Variants in PALM2AKAP2 observed in about 807,000 individuals in gnomAD.
The protein encoded by PALM2AKAP2 is PALM2-AKAP2 fusion protein.
In PALM2AKAP2, 37 loss-of-function variants were observed where a neutral mutation model predicts 71.5. The observed-to-expected ratio is 0.52, with a 90% confidence interval of 0.40 to 0.68. The LOEUF (loss-of-function observed/expected upper bound fraction) is 0.68. PALM2AKAP2 is among the 30% of genes least tolerant of loss of function. The pLI, the probability that PALM2AKAP2 is intolerant of heterozygous loss-of-function variation, is 0.00. For missense variants in PALM2AKAP2, 1,224 were observed against 1,191.8 expected, an observed-to-expected ratio of 1.03 and a Z score of -0.40; for synonymous variants, 468 against 478.8, an observed-to-expected ratio of 0.98 and a Z score of 0.29.
At chr9:109,706,561 T>G (rs962849049) in intron 1 of PALM2AKAP2, among the ~76,000 whole-genome samples, 3 of 152,202 alleles carry the variant, frequency 2.0e-5, no homozygotes, top group African/African-American at 7.2e-5. Flanking sequence ...CCTAGATATA[T>G]TTCCAGGAGA....
intron 1 of PALM2AKAP2, among the ~76,000 whole-genome samples, chr9:109,651,894 T>G (rs1827230055): frequency 6.6e-6 from 1 of 152,220 alleles, no homozygotes; most frequent in Admixed American, 6.5e-5. Flanking sequence ...GAAATCTCAT[T>G]TCTCTTCATT....
chr9:110,154,899 C>G (rs1836409258), intron 2 of PALM2AKAP2, among the ~76,000 whole-genome samples: 1 of 152,210 alleles, frequency 6.6e-6, no homozygotes, highest in South Asian at 2.1e-4. Context: ...AAGATAACTT[C>G]TTCCAAAATT....
chr9:109,943,088 C>G (rs1831415017), intron 6 of PALM2AKAP2: 1 of 1,614,248 alleles, frequency 6.2e-7, no homozygotes, highest in Non-Finnish European at 8.5e-7. Flanking sequence ...CCCAGCGCTG[C>G]AGGGCCGGAG....
intron 1 of PALM2AKAP2, among the ~76,000 whole-genome samples, chr9:109,653,568 C>T (rs1355797849): frequency 6.6e-6 from 1 of 152,166 alleles, no homozygotes; most frequent in African/African-American, 2.4e-5. Flanking sequence ...GTCTCATTTC[C>T]TAAGACAGCA....
chr9:109,984,804 G>A (rs188261125), intron 6 of PALM2AKAP2, among the ~76,000 whole-genome samples: 19 of 151,742 alleles, frequency 1.3e-4, no homozygotes, highest in East Asian at 3.9e-4. Flanking sequence ...CCAGGAGTTC[G>A]AGGTTTACAA....
intron 1 of PALM2AKAP2, among the ~76,000 whole-genome samples, chr9:109,648,929 C>T (rs577237278): frequency 1.3e-5 from 2 of 152,216 alleles, no homozygotes; most frequent in African/African-American, 4.8e-5. Flanking sequence ...ATGTTTTTAG[C>T]CCCTCATAAT....
chr9:110,153,785 A>G (rs1836380270), intron 2 of PALM2AKAP2, among the ~76,000 whole-genome samples: 1 of 152,254 alleles, frequency 6.6e-6, no homozygotes, highest in South Asian at 2.1e-4. Context: ...TCAGGATGAC[A>G]TTATAGCTTA....
chr9:109,823,900 AT>A (rs1397333439), intron 1 of PALM2AKAP2, among the ~76,000 whole-genome samples: 3 of 152,058 alleles, frequency 2.0e-5, no homozygotes, highest in Non-Finnish European at 4.4e-5. Context: ...ACCACACTTT[AT>A]TTTTTTAGAC....
intron 2 of PALM2AKAP2, among the ~76,000 whole-genome samples, chr9:109,876,140 T>C (rs1480621349): frequency 6.6e-6 from 1 of 152,034 alleles, no homozygotes; most frequent in East Asian, 1.9e-4. Context: ...CAGAGAAAAG[T>C]TTTTTTTAAT....
upstream of PALM2AKAP2, among the ~76,000 whole-genome samples, chr9:109,777,069 C>G (rs1166803349): frequency 6.6e-6 from 1 of 152,200 alleles, no homozygotes; most frequent in Non-Finnish European, 1.5e-5. Flanking sequence ...TTTAGTCTTT[C>G]TCATCTTTCA....
intron 1 of PALM2AKAP2, among the ~76,000 whole-genome samples, chr9:109,758,530 TTG>T (rs10528378): frequency 1.7e-4 from 25 of 150,746 alleles, no homozygotes; most frequent in Admixed American, 6.0e-4. Context: ...AGAGTGCAGT[TTG>T]TGTGTGTGTG....
In PALM2AKAP2 at chr9:110,061,865, A is replaced by G. The variant is rs890585360; in HGVS notation, c.156+13010A>G. Among the ~76,000 whole-genome samples, 56 of 131,644 alleles carry G rather than the reference A, an allele frequency of 4.3e-4. 6 individuals are homozygous for G. The highest frequency in any genetic ancestry group is 1.5e-3 in the African/African-American group (49 of 32,978). 86.4% of individuals were successfully genotyped at this position (131,644 alleles called of 152,430 possible). ...ATATTATTATAATTTTTTGTTACAG[A>G]TGAAGAAACAGACACAAGGGTTTAG... On this transcript the variant is annotated intron_variant, in intron 1 of 3. Transcript: ENST00000374525.
intron 1 of PALM2AKAP2, among the ~76,000 whole-genome samples, chr9:109,696,828 G>T (rs1188180525): frequency 6.6e-6 from 1 of 152,070 alleles, no homozygotes; most frequent in African/African-American, 2.4e-5. Flanking sequence ...GAAGTAGCTG[G>T]GAGGTTATCC....
intron 6 of PALM2AKAP2, among the ~76,000 whole-genome samples, chr9:109,967,888 G>C (rs898531388): frequency 1.8e-4 from 27 of 152,206 alleles, no homozygotes; most frequent in African/African-American, 5.8e-4. Flanking sequence ...AAGACCACTT[G>C]AAGTTATTCT....
intron 7 of PALM2AKAP2, among the ~76,000 whole-genome samples, chr9:110,026,253 A>AT (rs1382125770): frequency 1.3e-5 from 2 of 151,662 alleles, no homozygotes; most frequent in Non-Finnish European, 2.9e-5. Flanking sequence ...CTAAATTTTT[A>AT]TTTTTTGTAG....
chr9:110,149,573 GGTTCATGGAAGCCAATA>G (rs1316255796), intron 2 of PALM2AKAP2, among the ~76,000 whole-genome samples: 1 of 152,218 alleles, frequency 6.6e-6, no homozygotes, highest in Non-Finnish European at 1.5e-5. Context: ...CATGCCCATA[GGTTCATGGAAGCCAATA>G]TTGGGTTGAT....
intron 1 of PALM2AKAP2, among the ~76,000 whole-genome samples, chr9:110,110,609 C>T (rs59029880): frequency 0.011 from 1,504 of 137,850 alleles, 24 homozygotes; most frequent in African/African-American, 0.039. Context: ...TGCAGTGGTA[C>T]GATCTTGGCT....
At chr9:109,651,038 C>A (rs1827217969) in intron 1 of PALM2AKAP2, among the ~76,000 whole-genome samples, 1 of 152,040 alleles carries the variant, frequency 6.6e-6, no homozygotes, top group East Asian at 1.9e-4. Flanking sequence ...TCCATCTCAT[C>A]CTTCAAATCC....
chr9:109,723,366 C>A (rs72750864), intron 1 of PALM2AKAP2, among the ~76,000 whole-genome samples: 4,472 of 152,248 alleles, frequency 0.029, 96 homozygotes, highest in Non-Finnish European at 0.044. Context: ...TGTGTCCCCC[C>A]ACCAACTCAA....
Sources: gnomAD v4.1 joint callset for allele counts (sites outside exome capture counted in the v4.1 genomes callset) on GRCh38, gnomAD v4.1.1 for gene constraint, MANE v1.5 for transcripts, NCBI Gene and HGNC (gene_info 2026-07-23, HGNC 2026-07-21) for gene names.